NTRK3: variants seen among roughly 807,000 people sequenced by gnomAD.
The protein encoded by NTRK3 is NT-3 growth factor receptor.
Under a neutral mutation model 91.7 loss-of-function variants are expected in NTRK3, and 24 were observed. The ratio of observed to expected loss-of-function variants is 0.26; its 90% CI spans 0.19 to 0.37. The LOEUF is 0.37. Ranked by LOEUF, NTRK3 falls within the 10% of genes least tolerant of loss-of-function variation. The probability of loss-of-function intolerance (pLI) is 1.00; values close to 1 mark genes in which losing one functional copy is unlikely to be tolerated. For synonymous variants in NTRK3, 483 were observed against 404.0 expected (o/e 1.20, Z -2.34); for missense variants, 880 against 1,068.9 (o/e 0.82, Z 2.46).
intron 5 of NTRK3, among the ~76,000 whole-genome samples, chr15:88,173,386 A>G (rs904042513): frequency 1.3e-5 from 2 of 152,208 alleles, no homozygotes; most frequent in Admixed American, 6.5e-5. Context: ...GAAATGGGCC[A>G]AAGACATCCA....
intron 14 of NTRK3, among the ~76,000 whole-genome samples, chr15:87,952,572 T>G (rs907328761): frequency 6.6e-6 from 1 of 152,198 alleles, no homozygotes; most frequent in Non-Finnish European, 1.5e-5. Flanking sequence ...ACAGGCTTCC[T>G]CTGGAGCCCT....
At chr15:88,073,448 C>G (rs2047259710) in intron 13 of NTRK3, among the ~76,000 whole-genome samples, 1 of 152,096 alleles carries the variant, frequency 6.6e-6, no homozygotes, top group East Asian at 1.9e-4. Flanking sequence ...GGGGTGGGGC[C>G]CAGAGGCGGG....
At chr15:88,001,391 C>A (rs1232611548) in intron 14 of NTRK3, among the ~76,000 whole-genome samples, 1 of 152,030 alleles carries the variant, frequency 6.6e-6, no homozygotes, top group Non-Finnish European at 1.5e-5. Flanking sequence ...TTTTTGGTGT[C>A]ATATATAAGA....
intron 13 of NTRK3, chr15:88,072,695 G>C (rs1325600052): frequency 8.6e-6 from 2 of 232,712 alleles, no homozygotes; most frequent in Admixed American, 5.6e-5. Flanking sequence ...GTTGTACCAA[G>C]AGGGCAGAGG....
At chr15:87,884,650 A>C (rs1003146104) in intron 17 of NTRK3, among the ~76,000 whole-genome samples, 1 of 151,792 alleles carries the variant, frequency 6.6e-6, no homozygotes, top group South Asian at 2.1e-4. Flanking sequence ...TCCATATTAT[A>C]TATAGCTCAA....
intron 3 of NTRK3, among the ~76,000 whole-genome samples, chr15:88,194,376 T>A (rs1256893657): frequency 6.6e-6 from 1 of 152,244 alleles, no homozygotes; most frequent in Non-Finnish European, 1.5e-5. Flanking sequence ...GGCAGAACTT[T>A]CCCTGAGCTC....
At chr15:87,897,324 T>C (rs112770448) in intron 17 of NTRK3, among the ~76,000 whole-genome samples, 12,831 of 152,152 alleles carry the variant, frequency 0.084, 1,537 homozygotes, top group African/African-American at 0.27. Flanking sequence ...CTAGCACTCT[T>C]TCTGACACCT....
At chr15:87,863,252 G>A in exon 19 of NTRK3, 1 of 225,868 alleles carries the variant, frequency 4.4e-6, no homozygotes, top group East Asian at 6.4e-5. Flanking sequence ...AGAACCTTAA[G>A]AATAAAGTCT....
intron 14 of NTRK3, among the ~76,000 whole-genome samples, chr15:87,969,583 T>C (rs1447604311): frequency 6.6e-6 from 1 of 152,180 alleles, no homozygotes; most frequent in Admixed American, 6.5e-5. Context: ...TGCTTACATC[T>C]TCTGTGCTAT....
chr15:87,956,394 C>T (rs1052901915), intron 14 of NTRK3, among the ~76,000 whole-genome samples: 1 of 152,220 alleles, frequency 6.6e-6, no homozygotes, highest in Non-Finnish European at 1.5e-5. Flanking sequence ...CTGCCTCAGC[C>T]TCCTGAGTAG....
intron 13 of NTRK3, among the ~76,000 whole-genome samples, chr15:88,066,397 C>T (rs1429367501): frequency 6.6e-6 from 1 of 152,174 alleles, no homozygotes; most frequent in Non-Finnish European, 1.5e-5. Flanking sequence ...CCCCTTCCTA[C>T]TCAGTTGTTT....
Position 88,117,423 on chromosome 15 carries a change from T to G in NTRK3, c.1396+8848A>C, listed in dbSNP as rs377537065. Among the ~76,000 whole-genome samples, 13 of 152,328 alleles carry G rather than the reference T, an allele frequency of 8.5e-5. No homozygotes were observed. The East Asian group carries it at 1.9e-3, about 23-fold the overall frequency. ...GAAAAACCAACTGATATTCTTGTCT[T>G]TCGCCCAAATCCCAGCTTCTCTCTA... On this transcript the variant is annotated intron_variant, in intron 13 of 18. Coordinates refer to ENST00000394480, the Ensembl canonical transcript of NTRK3.
chr15:88,164,402 T>C (rs2044743258), intron 5 of NTRK3, among the ~76,000 whole-genome samples: 1 of 152,236 alleles, frequency 6.6e-6, no homozygotes, highest in Non-Finnish European at 1.5e-5. Flanking sequence ...TTCAGAATGC[T>C]GTGACTCCAG....
At chr15:87,891,078 T>C (rs1159350025) in intron 17 of NTRK3, among the ~76,000 whole-genome samples, 1 of 152,208 alleles carries the variant, frequency 6.6e-6, no homozygotes, top group East Asian at 1.9e-4. Context: ...CTCATAATAT[T>C]ATCTGCTTTA....
intron 5 of NTRK3, among the ~76,000 whole-genome samples, chr15:88,150,840 G>A (rs1183705145): frequency 1.3e-5 from 2 of 152,132 alleles, no homozygotes; most frequent in Admixed American, 1.3e-4. Context: ...GCCCTCACCG[G>A]CATTGATAAA....
intron 13 of NTRK3, among the ~76,000 whole-genome samples, chr15:88,041,923 A>T (rs2079664986): frequency 6.6e-6 from 1 of 151,872 alleles, no homozygotes; most frequent in Non-Finnish European, 1.5e-5. Flanking sequence ...AGTTGAGCTC[A>T]AATCTTCAAT....
At chr15:87,873,096 C>T (rs1268525198) in exon 19 of NTRK3, 1 of 232,632 alleles carries the variant, frequency 4.3e-6, no homozygotes, top group East Asian at 6.1e-5. Flanking sequence ...GACAGCTCTC[C>T]CGTTGGTGTT....
At chr15:87,864,975 A>C (rs1164924028) in exon 19 of NTRK3, 1 of 214,794 alleles carries the variant, frequency 4.7e-6, no homozygotes, top group African/African-American at 2.3e-5. Context: ...TCTACTGAAC[A>C]GTAGTCCGAA....
chr15:87,954,146 A>G (rs2071437390), intron 14 of NTRK3, among the ~76,000 whole-genome samples: 1 of 151,926 alleles, frequency 6.6e-6, no homozygotes, highest in South Asian at 2.1e-4. Flanking sequence ...TGCAGGGTTC[A>G]GGCAAGGCCC....
Sources: gnomAD v4.1 joint callset for allele counts (sites outside exome capture counted in the v4.1 genomes callset) on GRCh38, gnomAD v4.1.1 for gene constraint, MANE v1.5 for transcripts, NCBI Gene and HGNC (gene_info 2026-07-23, HGNC 2026-07-21) for gene names.